The following PRR5L variants were observed in gnomAD, a reference collection of about 807,000 sequenced individuals.
PRR5L encodes the protein proline rich 5 like.
Under a neutral mutation model 36.4 loss-of-function variants are expected in PRR5L, and 21 were observed. The observed-to-expected ratio is 0.58, with a 90% CI of 0.41 to 0.83. PRR5L has a LOEUF of 0.83. PRR5L is among the 40% of genes least tolerant of loss of function. PRR5L has a pLI of 0.00. For synonymous variants in PRR5L, 188 were observed against 197.0 expected (o/e 0.95, Z 0.38); for missense variants, 381 against 473.3 (o/e 0.80, Z 1.81).
chr11:36,426,019 A>C (rs934108642), intron 4 of PRR5L: 1 of 152,266 alleles, frequency 6.6e-6, no homozygotes, highest in East Asian at 1.9e-4. Context: ...AATCCACTCG[A>C]GTGCCAGGCA....
At chr11:36,351,786 T>TTATATATATTTATATATATA (rs1856978184) in intron 1 of PRR5L, among the ~76,000 whole-genome samples, 1 of 128,476 alleles carries the variant, frequency 7.8e-6, no homozygotes, top group Non-Finnish European at 1.6e-5. Flanking sequence ...TTTATATATT[T>TTATATATATTTATATATATA]TTTTTATATA....
intron 4 of PRR5L, among the ~76,000 whole-genome samples, chr11:36,429,454 C>T (rs1564946497): frequency 6.6e-6 from 1 of 152,180 alleles, no homozygotes; most frequent in Non-Finnish European, 1.5e-5. Flanking sequence ...TCTGTTAACT[C>T]ATGCTATCAC....
intron 3 of PRR5L, among the ~76,000 whole-genome samples, chr11:36,410,598 C>T (rs1858004579): frequency 6.6e-6 from 1 of 152,206 alleles, no homozygotes; most frequent in African/African-American, 2.4e-5. Flanking sequence ...CATAGTGTGC[C>T]ACATAACTAG....
intron 1 of PRR5L, among the ~76,000 whole-genome samples, chr11:36,343,388 C>T (rs1273388038): frequency 6.6e-6 from 1 of 152,176 alleles, no homozygotes; most frequent in Non-Finnish European, 1.5e-5. Context: ...CATCTAGCTA[C>T]TTAGAGGATT....
chr11:36,358,928 TG>T (rs1445819526), intron 1 of PRR5L, among the ~76,000 whole-genome samples: 1 of 152,188 alleles, frequency 6.6e-6, no homozygotes, highest in Non-Finnish European at 1.5e-5. Flanking sequence ...GATTTGGAGA[TG>T]TTTTGCATTT....
At chr11:36,359,359 A>G (rs1857061244) in intron 1 of PRR5L, among the ~76,000 whole-genome samples, 1 of 152,230 alleles carries the variant, frequency 6.6e-6, no homozygotes. Flanking sequence ...AGGTGATTTG[A>G]CCAGAATTGT....
At chr11:36,443,197 A>G (rs948471086) in intron 6 of PRR5L, among the ~76,000 whole-genome samples, 2 of 152,192 alleles carry the variant, frequency 1.3e-5, no homozygotes, top group Non-Finnish European at 2.9e-5. Context: ...CAGAAAGGTG[A>G]TGGGGAGCCG....
intron 5 of PRR5L, among the ~76,000 whole-genome samples, chr11:36,436,981 C>T (rs1052840595): frequency 6.6e-5 from 10 of 152,100 alleles, no homozygotes; most frequent in Non-Finnish European, 1.3e-4. Flanking sequence ...TTGAGTTCTC[C>T]CACCCAGTCC....
At chr11:36,423,439 C>T (rs1858314805) in intron 4 of PRR5L, among the ~76,000 whole-genome samples, 2 of 152,172 alleles carry the variant, frequency 1.3e-5, no homozygotes, top group African/African-American at 4.8e-5. Flanking sequence ...GGCAATTATA[C>T]TTTGTTGGGA....
intron 1 of PRR5L, among the ~76,000 whole-genome samples, chr11:36,350,785 C>T (rs1005644819): frequency 2.7e-5 from 4 of 150,244 alleles, no homozygotes; most frequent in African/African-American, 7.4e-5. Context: ...TGAGAACATA[C>T]GATGTTTGGT....
At chr11:36,441,875 G>A (rs767585762) in intron 6 of PRR5L, among the ~76,000 whole-genome samples, 5 of 152,160 alleles carry the variant, frequency 3.3e-5, no homozygotes, top group Non-Finnish European at 7.3e-5. Context: ...GCTCCCTCCA[G>A]AGTAACAGCT....
intron 1 of PRR5L, among the ~76,000 whole-genome samples, chr11:36,345,092 G>A (rs572911931): frequency 1.3e-5 from 2 of 152,238 alleles, no homozygotes; most frequent in East Asian, 3.9e-4. Flanking sequence ...GGGAGGTCAG[G>A]GTGAGAGCAG....
intron 7 of PRR5L, among the ~76,000 whole-genome samples, chr11:36,447,755 G>C (rs535944179): frequency 6.6e-6 from 1 of 152,124 alleles, no homozygotes; most frequent in Non-Finnish European, 1.5e-5. Context: ...CCCCTTTCCT[G>C]TAATTAGAGA....
intron 1 of PRR5L, among the ~76,000 whole-genome samples, chr11:36,302,183 T>C (rs998009558): frequency 1.3e-5 from 2 of 152,184 alleles, no homozygotes; most frequent in African/African-American, 2.4e-5. Context: ...ATGAATGGCC[T>C]CTAATCAGAA....
At chr11:36,440,891 A>G (rs574262269) in intron 6 of PRR5L, among the ~76,000 whole-genome samples, 28 of 152,258 alleles carry the variant, frequency 1.8e-4, no homozygotes, top group African/African-American at 5.8e-4. Context: ...TGAAACAACT[A>G]GCTCTCTCAT....
At chr11:36,351,603 ATATATATT>A (rs1274876568) in intron 1 of PRR5L, among the ~76,000 whole-genome samples, 43 of 1,446 alleles carry the variant, frequency 0.03, 3 homozygotes, top group Admixed American at 0.086. Flanking sequence ...ATTTATATAA[ATATATATT>A]TATATATTTA....
intron 3 of PRR5L, among the ~76,000 whole-genome samples, chr11:36,415,111 G>A (rs1008057103): frequency 5.9e-5 from 9 of 151,590 alleles, no homozygotes; most frequent in Non-Finnish European, 1.0e-4. Context: ...TTTGGTTACT[G>A]TAGCCTTGTA....
At chr11:36,384,458 A>C (rs1021993788) in intron 1 of PRR5L, among the ~76,000 whole-genome samples, 1 of 152,188 alleles carries the variant, frequency 6.6e-6, no homozygotes, top group African/African-American at 2.4e-5. Context: ...CTTTACTCAG[A>C]TCCTGGCATC....
intron 3 of PRR5L, among the ~76,000 whole-genome samples, chr11:36,408,298 C>T (rs577117719): frequency 6.6e-6 from 1 of 151,448 alleles, no homozygotes; most frequent in Non-Finnish European, 1.5e-5. Flanking sequence ...AAAAAAAATC[C>T]ATCAGAAACG....
Sources: allele counts gnomAD v4.1 joint callset (sites outside exome capture counted in the v4.1 genomes callset), GRCh38; gene constraint gnomAD v4.1.1; transcripts MANE v1.5; gene names NCBI Gene and HGNC (gene_info 2026-07-23, HGNC 2026-07-21).